The following GABRB2 variants were observed in gnomAD, a reference collection of about 807,000 sequenced individuals.
The protein encoded by GABRB2 is gamma-aminobutyric acid type A receptor subunit beta2, also known as gamma-aminobutyric acid receptor subunit beta-2.
A neutral mutation model predicts 54.7 loss-of-function variants in GABRB2; 16 were observed. The observed-to-expected ratio is 0.29, with a 90% CI of 0.20 to 0.44. GABRB2 has a LOEUF of 0.44. Ranked by LOEUF, GABRB2 falls within the 20% of genes least tolerant of loss-of-function variation. The probability of loss-of-function intolerance (pLI) is 1.00; values close to 1 mark genes in which losing one functional copy is unlikely to be tolerated. For synonymous variants in GABRB2, 244 were observed against 233.8 expected (o/e 1.04, Z -0.40); for missense variants, 355 against 644.0 (o/e 0.55, Z 4.86).
chr5:161,399,465 A>G (rs949335816), intron 5 of GABRB2, among the ~76,000 whole-genome samples: 10 of 152,304 alleles, frequency 6.6e-5, no homozygotes, highest in Middle Eastern at 3.4e-3. Flanking sequence ...TTGTGCTAAT[A>G]CAGACTACAT....
At chr5:161,451,964 C>T (rs959839051) in intron 4 of GABRB2, among the ~76,000 whole-genome samples, 3 of 152,022 alleles carry the variant, frequency 2.0e-5, no homozygotes, top group Admixed American at 1.3e-4. Context: ...TTTCATGATT[C>T]AACGAAGATT....
upstream of GABRB2, chr5:161,546,752 A>C (rs932254446): frequency 2.6e-6 from 4 of 1,518,472 alleles, no homozygotes; most frequent in East Asian, 7.4e-5. Flanking sequence ...GCGTACCAAA[A>C]CATCAAAGGG....
chr5:161,406,045 C>G (rs1434512332), intron 5 of GABRB2, among the ~76,000 whole-genome samples: 2 of 152,068 alleles, frequency 1.3e-5, no homozygotes, highest in Non-Finnish European at 2.9e-5. Flanking sequence ...AAAACACTCT[C>G]ACACACTCAC....
chr5:161,459,856 A>AG lies in GABRB2; in HGVS notation c.238-13dup. 6.4e-7 allele frequency: 1 copy of AG among 1,554,506 alleles called. No homozygotes were observed. Among genetic ancestry groups the AG allele is most frequent in the Non-Finnish European group, 8.9e-7 (1 of 1,126,930 alleles). ...GTCAAGGTATAATCCTGTAAATGTG[A>AG]GAAAAAAAAACATGGTTAGTTTACA... On this transcript the variant is annotated splice_polypyrimidine_tract_variant and intron_variant, in intron 3 of 9. Coordinates refer to ENST00000393959, the MANE Select transcript of GABRB2 (RefSeq NM_001371727.1).
chr5:161,473,476 A>G (rs1489839497), intron 3 of GABRB2, among the ~76,000 whole-genome samples: 1 of 152,016 alleles, frequency 6.6e-6, no homozygotes, highest in African/African-American at 2.4e-5. Flanking sequence ...ACTTCCTACC[A>G]AGAGCATAGG....
intron 5 of GABRB2, among the ~76,000 whole-genome samples, chr5:161,365,071 C>G (rs1308080416): frequency 2.0e-5 from 3 of 152,130 alleles, no homozygotes; most frequent in Non-Finnish European, 2.9e-5. Flanking sequence ...CTGAGAAAGG[C>G]TCAAGCTACA....
At chr5:161,380,816 T>C (rs898865656) in intron 5 of GABRB2, among the ~76,000 whole-genome samples, 1 of 151,948 alleles carries the variant, frequency 6.6e-6, no homozygotes, top group Non-Finnish European at 1.5e-5. Flanking sequence ...TGGTTGTGTA[T>C]TGGTACACCA....
intron 5 of GABRB2, among the ~76,000 whole-genome samples, chr5:161,375,780 A>T (rs529441201): frequency 6.6e-6 from 1 of 152,334 alleles, no homozygotes; most frequent in East Asian, 1.9e-4. Context: ...ATAGCCCAGC[A>T]TTTAAAAATA....
rs114641447 is a variant in GABRB2 at position 161,370,551 on chromosome 5, T to C, written c.542-33782A>G. On this transcript the variant is annotated intron_variant, in intron 5 of 9. Coordinates refer to ENST00000393959, the MANE Select transcript of GABRB2 (RefSeq NM_001371727.1). Reference sequence around the variant, plus strand: ...ACCTAGAGAAAACTGCTCTGTGACTTCCTATGGGCTCTGGATCATCCAAAA... The same window carrying C: ...ACCTAGAGAAAACTGCTCTGTGACTCCCTATGGGCTCTGGATCATCCAAAA... Among the ~76,000 whole-genome samples the C allele has an allele frequency of 2.3e-3, 353 of 152,298 alleles. 2 individuals are homozygous for C. The highest frequency in any genetic ancestry group is 7.9e-3 in the African/African-American group (329 of 41,578).
Position 161,326,426 on chromosome 5 carries a change from G to A in GABRB2, c.1133C>T (p.Pro378Leu). Residue 378 changes from proline (P) to leucine (L), a missense_variant, in exon 9 of 10, where the codon CCT (proline) becomes CTT (leucine). Coordinates refer to ENST00000393959, the MANE Select transcript of GABRB2 (RefSeq NM_001371727.1). ...NGTQYRSLWD[P>L]TGNLSPTRRT... is the part of the protein sequence containing the mutation. ...TCTAGTTGGGGAGAGGTTTCCAGTA[G>A]GGTCCCACAAGGATCGATATTGGGT... is the stretch of plus-strand genomic sequence containing the variant. 1 of 1,613,638 alleles carries A rather than the reference G, an allele frequency of 6.2e-7. No individual in the cohort carries two copies. The highest frequency in any genetic ancestry group is 8.5e-7 in the Non-Finnish European group (1 of 1,179,696).
intron 5 of GABRB2, 120 bp from the exon 6 acceptor site, chr5:161,336,889 A>C: frequency 9.7e-7 from 1 of 1,036,136 alleles, no homozygotes; most frequent in Non-Finnish European, 1.4e-6. Context: ...ATAAAGATAT[A>C]GCTAAAGGCT....
intron 4 of GABRB2, among the ~76,000 whole-genome samples, chr5:161,435,983 A>T (rs1440503807): frequency 6.6e-6 from 1 of 152,174 alleles, no homozygotes; most frequent in Non-Finnish European, 1.5e-5. Context: ...GTCAATTATA[A>T]TATTATGATT....
At chr5:161,299,917 A>G (rs976900852) in intron 9 of GABRB2, among the ~76,000 whole-genome samples, 1 of 152,222 alleles carries the variant, frequency 6.6e-6, no homozygotes, top group African/African-American at 2.4e-5. Flanking sequence ...AGGAAAATCT[A>G]TTACAATAAT....
chr5:161,334,687 G>T, intron 7 of GABRB2, 65 bp downstream of exon 7: 1 of 1,541,748 alleles, frequency 6.5e-7, no homozygotes, highest in South Asian at 1.2e-5. Flanking sequence ...AGGAAAACGC[G>T]TGCATGCGAA....
chr5:161,531,384 T>C (rs890609080), intron 3 of GABRB2, among the ~76,000 whole-genome samples: 3 of 152,182 alleles, frequency 2.0e-5, no homozygotes, highest in Admixed American at 6.5e-5. Flanking sequence ...AAAAGCCAGC[T>C]GTTCAATTAT....
At chr5:161,416,507 A>G (rs1218074875) in intron 4 of GABRB2, among the ~76,000 whole-genome samples, 1 of 151,710 alleles carries the variant, frequency 6.6e-6, no homozygotes, top group East Asian at 1.9e-4. Flanking sequence ...ACCTTGTTTG[A>G]TTTCTTTATA....
intron 5 of GABRB2, among the ~76,000 whole-genome samples, chr5:161,359,530 AGTAGAATAG>A (rs1754740037): frequency 6.6e-6 from 1 of 152,098 alleles, no homozygotes; most frequent in Admixed American, 6.6e-5. Flanking sequence ...TAAGGATGGC[AGTAGAATAG>A]GTACGCTTTT....
chr5:161,314,487 C>T (rs542232082), intron 9 of GABRB2, among the ~76,000 whole-genome samples: 2 of 152,244 alleles, frequency 1.3e-5, no homozygotes, highest in African/African-American at 4.8e-5. Flanking sequence ...TCAAGTAATC[C>T]TGCAAACCTC....
rs147748855 is a variant in GABRB2, at chr5:161,457,528, C to T, written c.458+2096G>A. Among the ~76,000 whole-genome samples, 917 of 151,152 alleles carry T rather than the reference C, an allele frequency of 6.1e-3. 9 individuals carry two copies. The highest frequency in any genetic ancestry group is 0.02 in the African/African-American group (841 of 41,110). On this transcript the variant is annotated intron_variant, in intron 4 of 9. Coordinates refer to ENST00000393959, the MANE Select transcript of GABRB2 (RefSeq NM_001371727.1). ...TGGCGCGATCTCGGCTCACTACAAG[C>T]TCCGCCTCCCAGGTTCACACCATTC...
Sources: allele counts gnomAD v4.1 joint callset (sites outside exome capture counted in the v4.1 genomes callset), GRCh38; gene constraint gnomAD v4.1.1; transcripts MANE v1.5; gene names NCBI Gene and HGNC (gene_info 2026-07-23, HGNC 2026-07-21).